PUDP: variants seen among roughly 807,000 people sequenced by gnomAD.
PUDP encodes the protein pseudouridine 5'-phosphatase.
Under a neutral mutation model 9.4 loss-of-function variants are expected in PUDP, and 8 were observed. That is an observed-to-expected ratio of 0.85 (90% CI 0.50 to 1.53). The LOEUF is 1.53. Ranked by LOEUF, PUDP falls within the 40% of genes most tolerant of loss-of-function variation. The pLI, the probability that PUDP is intolerant of heterozygous loss-of-function variation, is 0.00. For synonymous variants in PUDP, 99 were observed against 80.7 expected (o/e 1.23, Z -1.22); for missense variants, 188 against 189.7 (o/e 0.99, Z 0.05).
At chrX:7,013,196 C>CT (rs1209754101) in intron 1 of PUDP, among the ~76,000 whole-genome samples, 1 of 111,969 alleles carries the variant, frequency 8.9e-6, no homozygotes, top group Non-Finnish European at 1.9e-5. Flanking sequence ...ACAAAAGCTT[C>CT]TTTTTTTCGG....
At chrX:7,105,430 A>G (rs1430439347) in intron 2 of PUDP, among the ~76,000 whole-genome samples, 190 bp downstream of exon 2, 1 of 111,749 alleles carries the variant, frequency 8.9e-6, no homozygotes, top group Non-Finnish European at 1.9e-5. Context: ...GAAGCTTTTA[A>G]AGAGAAAATT....
At chrX:6,875,073 T>C (rs1602654918) in intron 3 of PUDP, among the ~76,000 whole-genome samples, 1 of 112,022 alleles carries the variant, frequency 8.9e-6, no homozygotes, top group South Asian at 3.8e-4. Flanking sequence ...AAATTTATTT[T>C]GTTTTATTTT....
At position 7,036,857 on chromosome X, in the gene PUDP, C is replaced by T. The variant is rs192428359; in HGVS notation, c.204+40363G>A. On this transcript the variant is annotated intron_variant and NMD_transcript_variant, in intron 1 of 3. Coordinates refer to the PUDP transcript ENST00000655425. Reference sequence around the variant, plus strand: ...CCACTCACTTTTCATTCCCGTCTAACCTAATGTATTATCAGTTCTTCCTTA... The same window carrying T: ...CCACTCACTTTTCATTCCCGTCTAATCTAATGTATTATCAGTTCTTCCTTA... Among the ~76,000 whole-genome samples, 426 of 112,038 alleles carry T rather than the reference C, an allele frequency of 3.8e-3. 4 individuals are homozygous for T. Among genetic ancestry groups the T allele is most frequent in the African/African-American group, 0.013 (403 of 30,876 alleles).
At chrX:7,020,778 A>T (rs1349415731) in intron 1 of PUDP, among the ~76,000 whole-genome samples, 3 of 112,940 alleles carry the variant, frequency 2.7e-5, no homozygotes, top group South Asian at 3.6e-4. Context: ...GCTTAACATC[A>T]GCCTCATGGC....
At chrX:6,933,112 G>C (rs1345417102) in intron 3 of PUDP, among the ~76,000 whole-genome samples, 7 of 110,263 alleles carry the variant, frequency 6.3e-5, no homozygotes, top group African/African-American at 2.0e-4. Context: ...GCTTTGAAGA[G>C]AGCAGTGGTT....
intron 1 of PUDP, among the ~76,000 whole-genome samples, chrX:7,122,241 G>A (rs866071002): frequency 2.1e-5 from 2 of 95,355 alleles, no homozygotes; most frequent in Non-Finnish European, 4.2e-5. Flanking sequence ...GTGTGTGTGT[G>A]TGTTTACATT....
chrX:6,731,981 A>G (rs370387044), intron 3 of PUDP, among the ~76,000 whole-genome samples: 125 of 112,404 alleles, frequency 1.1e-3, no homozygotes, highest in African/African-American at 3.7e-3. Flanking sequence ...ATATATAAAT[A>G]CATATATGCA....
chrX:7,045,387 T>C (rs1796523679), downstream of PUDP, among the ~76,000 whole-genome samples: 1 of 112,159 alleles, frequency 8.9e-6, no homozygotes, highest in Non-Finnish European at 1.9e-5. Flanking sequence ...CCTGGATTTC[T>C]GCCCTACTAA....
chrX:6,927,115 TTAGAGATG>T (rs2146767200), intron 3 of PUDP, among the ~76,000 whole-genome samples: 1 of 108,130 alleles, frequency 9.2e-6, no homozygotes, highest in East Asian at 2.9e-4. Flanking sequence ...TGAATTTTTA[TTAGAGATG>T]ATGTCCTAAT....
intron 3 of PUDP, among the ~76,000 whole-genome samples, chrX:6,739,567 T>G (rs1344782235): frequency 8.9e-6 from 1 of 111,821 alleles, no homozygotes; most frequent in Non-Finnish European, 1.9e-5. Flanking sequence ...GAGATGCCAC[T>G]TAACATCCTA....
chrX:6,973,960 C>T (rs1928916510), intron 3 of PUDP, among the ~76,000 whole-genome samples: 1 of 111,398 alleles, frequency 9.0e-6, no homozygotes, highest in African/African-American at 3.3e-5. Flanking sequence ...TTATGTAATG[C>T]CCTTCTTTGT....
intron 3 of PUDP, among the ~76,000 whole-genome samples, chrX:6,903,430 C>T (rs758490578): frequency 9.0e-6 from 1 of 111,342 alleles, no homozygotes; most frequent in Non-Finnish European, 1.9e-5. Flanking sequence ...CCAGCAATCC[C>T]ACTACTGGTT....
At chrX:6,856,733 A>G (rs1229291272) in intron 3 of PUDP, among the ~76,000 whole-genome samples, 1 of 111,596 alleles carries the variant, frequency 9.0e-6, no homozygotes, top group Admixed American at 9.5e-5. Flanking sequence ...AGGGTGCCCT[A>G]ACAATTGATT....
chrX:6,893,452 T>C (rs1927544631), intron 3 of PUDP, among the ~76,000 whole-genome samples: 1 of 112,036 alleles, frequency 8.9e-6, no homozygotes, highest in Admixed American at 9.5e-5. Flanking sequence ...AAAGTGTTCA[T>C]GGATTGTGAA....
rs1304853579 is a variant in PUDP, at chrX:6,982,051, CAT to C, written c.205-3710_205-3709del. On this transcript the variant is annotated intron_variant and NMD_transcript_variant, in intron 1 of 3. Transcript: ENST00000655425. Reference sequence around the variant, plus strand: ...ACACACACACACACACACACACACACATACACACACGCACATACCCAAGAGAA... The same window carrying C: ...ACACACACACACACACACACACACACACACACACGCACATACCCAAGAGAA... 3.4e-3 allele frequency among the ~76,000 whole-genome samples: 356 copies of C among 105,296 alleles called. 3 individuals carry two copies. The highest frequency in any genetic ancestry group is 0.012 in the African/African-American group (337 of 28,697). 91.4% of individuals were successfully genotyped at this position (105,296 alleles called of 115,157 possible). A position where few individuals can be genotyped will look rare whatever the true frequency, so the allele number is the denominator to read the frequency against.
chrX:6,850,113 T>TA (rs376343784), intron 3 of PUDP, among the ~76,000 whole-genome samples: 3,107 of 102,238 alleles, frequency 0.03, 114 homozygotes, highest in African/African-American at 0.096. Flanking sequence ...AGACATAAAT[T>TA]AAAAAAAAAA....
At chrX:7,059,544 C>T (rs756260340) in intron 3 of PUDP, among the ~76,000 whole-genome samples, 16 of 111,838 alleles carry the variant, frequency 1.4e-4, no homozygotes, top group Non-Finnish European at 2.6e-4. Context: ...AGGCCCCTAT[C>T]GGTTTTGTGT....
chrX:6,800,059 C>T (rs1245529975), intron 3 of PUDP, among the ~76,000 whole-genome samples: 2 of 111,426 alleles, frequency 1.8e-5, no homozygotes, highest in South Asian at 3.7e-4. Context: ...CTAACAGACC[C>T]GAGCTACTTA....
At chrX:6,707,325 C>T (rs748927691) in intron 1 of PUDP, among the ~76,000 whole-genome samples, 7 of 111,567 alleles carry the variant, frequency 6.3e-5, no homozygotes, top group Admixed American at 2.9e-4. Flanking sequence ...TTGTGGAAGA[C>T]AATTTTTCCA....
Sources: gnomAD v4.1 joint callset for allele counts (sites outside exome capture counted in the v4.1 genomes callset) on GRCh38, gnomAD v4.1.1 for gene constraint, MANE v1.5 for transcripts, NCBI Gene and HGNC (gene_info 2026-07-23, HGNC 2026-07-21) for gene names.